Variants in MBNL1 observed in about 807,000 individuals in gnomAD.
MBNL1 encodes the protein muscleblind-like protein 1.
In MBNL1, 8 loss-of-function variants were observed where a neutral mutation model predicts 42.2. The ratio of observed to expected loss-of-function variants is 0.19; its 90% CI spans 0.11 to 0.34. MBNL1 has a LOEUF of 0.34. MBNL1 is among the 10% of genes least tolerant of loss of function. MBNL1 has a pLI of 1.00. For synonymous variants in MBNL1, 169 were observed against 173.9 expected (o/e 0.97, Z 0.22); for missense variants, 309 against 495.3 (o/e 0.62, Z 3.57).
chr3:152,385,163 G>A (rs1460789104), intron 2 of MBNL1, among the ~76,000 whole-genome samples: 9 of 151,948 alleles, frequency 5.9e-5, no homozygotes, highest in African/African-American at 1.9e-4. Context: ...TAAGGTGCAT[G>A]TTTTTAAATG....
At chr3:152,339,838 A>G (rs2092644727) in intron 2 of MBNL1, 1 of 152,124 alleles carries the variant, frequency 6.6e-6, no homozygotes, top group Non-Finnish European at 1.5e-5. Context: ...TTGATATTTC[A>G]TTTAACATAA....
At chr3:152,252,069 A>C (rs767814328) in intron 2 of MBNL1, among the ~76,000 whole-genome samples, 23 of 152,014 alleles carry the variant, frequency 1.5e-4, no homozygotes, top group African/African-American at 4.8e-5. Context: ...TGACTCAACT[A>C]TTTTGGTGCT....
chr3:152,317,296 T>A (rs1376009296), intron 2 of MBNL1, among the ~76,000 whole-genome samples: 1 of 152,204 alleles, frequency 6.6e-6, no homozygotes, highest in East Asian at 1.9e-4. Flanking sequence ...TTTAGTTGTA[T>A]AAAGAATTTC....
intron 2 of MBNL1, among the ~76,000 whole-genome samples, chr3:152,369,274 G>T (rs927953935): frequency 9.9e-5 from 15 of 152,150 alleles, no homozygotes; most frequent in Non-Finnish European, 1.0e-4. Flanking sequence ...TAATCATGTA[G>T]TTTTTGTCAT....
chr3:152,373,682 A>G (rs958499623), intron 2 of MBNL1, among the ~76,000 whole-genome samples: 2 of 152,076 alleles, frequency 1.3e-5, no homozygotes, highest in Non-Finnish European at 2.9e-5. Flanking sequence ...CAGGTACCTT[A>G]GTTGGAAATG....
At chr3:152,431,932 A>G (rs1293845490) in intron 3 of MBNL1, among the ~76,000 whole-genome samples, 1 of 152,236 alleles carries the variant, frequency 6.6e-6, no homozygotes, top group African/African-American at 2.4e-5. Flanking sequence ...TATATCCACG[A>G]AAGCATTTCT....
intron 2 of MBNL1, among the ~76,000 whole-genome samples, chr3:152,245,960 C>T (rs1255473994): frequency 6.6e-6 from 1 of 152,132 alleles, no homozygotes; most frequent in East Asian, 1.9e-4. Context: ...GGGCTCAAGC[C>T]TGTAGTCCCA....
intron 5 of MBNL1, chr3:152,446,679 A>G: frequency 6.2e-7 from 1 of 1,611,330 alleles, no homozygotes; most frequent in Non-Finnish European, 8.5e-7. Flanking sequence ...CATTGCCATC[A>G]TGTGCTCGCT....
intron 2 of MBNL1, among the ~76,000 whole-genome samples, chr3:152,332,751 T>C (rs926261925): frequency 1.8e-5 from 2 of 113,184 alleles, no homozygotes; most frequent in East Asian, 2.7e-4. Flanking sequence ...CGCGCGCGCA[T>C]GCGCACACAC....
intron 2 of MBNL1, among the ~76,000 whole-genome samples, chr3:152,358,172 G>A (rs564864508): frequency 1.3e-5 from 2 of 152,318 alleles, no homozygotes; most frequent in South Asian, 4.1e-4. Flanking sequence ...AGAGCGAAAT[G>A]TGTATAAAGA....
intron 5 of MBNL1, among the ~76,000 whole-genome samples, 153 bp from the exon 6 acceptor site, chr3:152,447,467 A>C (rs1263313177): frequency 4.9e-5 from 7 of 143,564 alleles, no homozygotes; most frequent in Admixed American, 4.8e-4. Context: ...TTCCTCCTTA[A>C]TTTTTTGTTC....
At chr3:152,360,594 C>G (rs1047859035) in intron 2 of MBNL1, among the ~76,000 whole-genome samples, 1 of 152,082 alleles carries the variant, frequency 6.6e-6, no homozygotes, top group African/African-American at 2.4e-5. Flanking sequence ...GGGGGTTCTT[C>G]TCCTATGCTT....
At chr3:152,432,613 C>T in intron 3 of MBNL1, 104 bp from the exon 4 acceptor site, 1 of 996,030 alleles carries the variant, frequency 1.0e-6, no homozygotes, top group Non-Finnish European at 1.6e-6. Context: ...GAGGGAAGGC[C>T]TAAGGAAGAA....
chr3:152,293,299 G>A (rs1006914209), intron 1 of MBNL1, among the ~76,000 whole-genome samples: 4 of 152,116 alleles, frequency 2.6e-5, no homozygotes, highest in Admixed American at 6.6e-5. Flanking sequence ...GCATTAACTC[G>A]TTCAGATGGC....
chr3:152,349,922 A>T (rs1332695265), intron 2 of MBNL1, among the ~76,000 whole-genome samples: 2 of 152,112 alleles, frequency 1.3e-5, no homozygotes, highest in Non-Finnish European at 2.9e-5. Flanking sequence ...AGGTGTTAAA[A>T]TTGATGTTTT....
chr3:152,354,069 T>C (rs910554615), intron 2 of MBNL1, among the ~76,000 whole-genome samples: 3 of 152,182 alleles, frequency 2.0e-5, no homozygotes, highest in East Asian at 1.9e-4. Flanking sequence ...AGGCATCCAA[T>C]TGAGGTCTGA....
intron 3 of MBNL1, among the ~76,000 whole-genome samples, chr3:152,419,346 G>A (rs2098759658): frequency 2.0e-5 from 3 of 152,182 alleles, no homozygotes; most frequent in South Asian, 4.1e-4. Context: ...GCAGAAGGCA[G>A]GTGATTTCTG....
intron 1 of MBNL1, among the ~76,000 whole-genome samples, chr3:152,275,176 A>C (rs1401323171): frequency 1.3e-5 from 2 of 152,200 alleles, no homozygotes; most frequent in African/African-American, 4.8e-5. Context: ...TAGTAGAAAG[A>C]AAGCAGGAGG....
chr3:152,314,468 C>T (rs574756940), intron 2 of MBNL1, among the ~76,000 whole-genome samples: 7 of 152,052 alleles, frequency 4.6e-5, no homozygotes, highest in South Asian at 4.2e-4. Context: ...CTCCACCTCC[C>T]GGGTTGAAGC....
Sources: gnomAD v4.1 joint callset for allele counts (sites outside exome capture counted in the v4.1 genomes callset) on GRCh38, gnomAD v4.1.1 for gene constraint, MANE v1.5 for transcripts, NCBI Gene and HGNC (gene_info 2026-07-23, HGNC 2026-07-21) for gene names.